The following MAGI1 variants were observed in gnomAD, a reference collection of about 807,000 sequenced individuals.
MAGI1 encodes membrane associated guanylate kinase, WW and PDZ domain containing 1.
A neutral mutation model predicts 139.9 loss-of-function variants in MAGI1; 58 were observed. That is an observed-to-expected ratio of 0.41 (90% CI 0.34 to 0.52). MAGI1 has a LOEUF of 0.52. Ranked by LOEUF, MAGI1 falls within the 20% of genes least tolerant of loss-of-function variation. MAGI1 has a pLI of 0.12. For missense variants in MAGI1, 1,874 were observed against 1,901.6 expected (o/e 0.99, Z 0.27); for synonymous variants, 812 against 737.9 (o/e 1.10, Z -1.63).
At chr3:65,962,267 C>T (rs530411606) in intron 1 of MAGI1, among the ~76,000 whole-genome samples, 15 of 151,624 alleles carry the variant, frequency 9.9e-5, no homozygotes, top group African/African-American at 2.9e-4. Context: ...TACAGGCACC[C>T]GCCACCATGC....
At chr3:65,416,361 T>C (rs566944447) in intron 12 of MAGI1, among the ~76,000 whole-genome samples, 74 of 152,292 alleles carry the variant, frequency 4.9e-4, no homozygotes, top group Middle Eastern at 3.4e-3. Context: ...TGCTATTCTA[T>C]GACACAGTGG....
At chr3:65,549,268 C>A in intron 2 of MAGI1, 1 of 370,956 alleles carries the variant, frequency 2.7e-6, no homozygotes, top group Non-Finnish European at 3.7e-6. Flanking sequence ...GCCACTTCCT[C>A]GCCTTCTCCT....
At chr3:65,594,499 A>C (rs1249871823) in intron 2 of MAGI1, among the ~76,000 whole-genome samples, 1 of 152,222 alleles carries the variant, frequency 6.6e-6, no homozygotes. Flanking sequence ...CAGCTGGCCT[A>C]CTATCAGACA....
intron 18 of MAGI1, among the ~76,000 whole-genome samples, chr3:65,367,473 G>A (rs943502369): frequency 6.6e-6 from 1 of 152,010 alleles, no homozygotes; most frequent in Non-Finnish European, 1.5e-5. Context: ...CATTTAGCAT[G>A]GAAATGTCGA....
intron 2 of MAGI1, among the ~76,000 whole-genome samples, chr3:65,598,136 G>A (rs1238448376): frequency 6.6e-6 from 1 of 152,066 alleles, no homozygotes; most frequent in Non-Finnish European, 1.5e-5. Flanking sequence ...TAAGCCGGGA[G>A]TGTGAAAAAA....
intron 2 of MAGI1, among the ~76,000 whole-genome samples, chr3:65,604,219 G>C (rs1045854779): frequency 6.6e-6 from 1 of 151,180 alleles, no homozygotes; most frequent in Non-Finnish European, 1.5e-5. Context: ...TGAGGATCAA[G>C]AAATATTGGT....
At chr3:65,455,994 C>T (rs1316892417) in intron 5 of MAGI1, among the ~76,000 whole-genome samples, 1 of 152,102 alleles carries the variant, frequency 6.6e-6, no homozygotes, top group Non-Finnish European at 1.5e-5. Flanking sequence ...CATTCATGTA[C>T]ATGTTTTTGT....
chr3:65,688,418 G>A (rs768995838), intron 1 of MAGI1: 1 of 529,002 alleles, frequency 1.9e-6, no homozygotes, highest in Non-Finnish European at 3.7e-6. Context: ...AGAGAAGACA[G>A]AAGAACCACC....
intron 1 of MAGI1, among the ~76,000 whole-genome samples, chr3:65,659,727 C>G (rs1029730721): frequency 6.6e-6 from 1 of 152,152 alleles, no homozygotes; most frequent in Non-Finnish European, 1.5e-5. Context: ...CTGCCTCATC[C>G]TTGAATTCCT....
chr3:65,969,245 T>A (rs966630883), intron 1 of MAGI1, among the ~76,000 whole-genome samples: 2 of 152,176 alleles, frequency 1.3e-5, no homozygotes, highest in African/African-American at 2.4e-5. Flanking sequence ...CACAAAACAT[T>A]GCTCTCACAG....
chr3:65,884,170 G>C lies in MAGI1; in HGVS notation c.313+153826C>G, dbSNP rs913622507. Among the ~76,000 whole-genome samples the C allele has an allele frequency of 3.9e-5, 6 of 152,178 alleles. No homozygotes were observed. In the South Asian group the frequency reaches 6.2e-4, roughly 16 times the overall value. ...GTGATGGTCAACTAATTAGATTCCTGAATTCACAATGTAACAGAAAGAAAA... is the reference window on the plus strand; with the variant it reads ...GTGATGGTCAACTAATTAGATTCCTCAATTCACAATGTAACAGAAAGAAAA... On this transcript the variant is annotated intron_variant, in intron 1 of 22. Coordinates refer to ENST00000402939, the MANE Select transcript of MAGI1 (RefSeq NM_001033057.2).
rs974824416 is a variant in MAGI1 at position 66,038,383 on chromosome 3, C to A, written c.-75G>T. The stretch of plus-strand genomic sequence containing the variant: ...CCCACAGCACGAGCCCCCAAGCCTC[C>A]GCTTGTTCATGGGAGAAACATCTCT... On this transcript the variant is annotated 5_prime_UTR_variant, in exon 1 of 23. Coordinates refer to ENST00000402939, the MANE Select transcript of MAGI1 (RefSeq NM_001033057.2). 3 of 1,494,280 alleles carry A rather than the reference C, an allele frequency of 2.0e-6. No individual in the cohort carries two copies. In the African/African-American group the frequency reaches 4.2e-5, roughly 21 times the overall value. 92.6% of individuals were successfully genotyped at this position (1,494,280 alleles called of 1,614,324 possible).
intron 1 of MAGI1, among the ~76,000 whole-genome samples, chr3:65,835,982 T>C (rs577473208): frequency 3.9e-5 from 6 of 152,290 alleles, no homozygotes; most frequent in Middle Eastern, 3.4e-3. Flanking sequence ...TCCACATCAC[T>C]GCAGGCAAGC....
At chr3:65,953,171 G>C (rs1453780311) in intron 1 of MAGI1, among the ~76,000 whole-genome samples, 1 of 152,172 alleles carries the variant, frequency 6.6e-6, no homozygotes, top group African/African-American at 2.4e-5. Context: ...CATTGCAAGT[G>C]AGCAAAGGTT....
At chr3:65,422,380 A>C (rs1946691468) in intron 12 of MAGI1, among the ~76,000 whole-genome samples, 2 of 152,164 alleles carry the variant, frequency 1.3e-5, no homozygotes, top group Non-Finnish European at 2.9e-5. Flanking sequence ...CAGCCTGTGA[A>C]CAGAGCACAC....
intron 1 of MAGI1, among the ~76,000 whole-genome samples, chr3:65,966,291 G>A (rs1303002071): frequency 2.6e-5 from 4 of 151,986 alleles, no homozygotes; most frequent in Non-Finnish European, 5.9e-5. Flanking sequence ...CTAATGGAAG[G>A]GACAGTATTT....
chr3:66,007,118 G>A (rs1190187874), intron 1 of MAGI1, among the ~76,000 whole-genome samples: 1 of 152,020 alleles, frequency 6.6e-6, no homozygotes, highest in Non-Finnish European at 1.5e-5. Context: ...TGAGATTACA[G>A]GTGTGAGCCA....
At chr3:65,744,779 T>C (rs908523879) in intron 1 of MAGI1, among the ~76,000 whole-genome samples, 7 of 152,118 alleles carry the variant, frequency 4.6e-5, no homozygotes, top group Admixed American at 3.9e-4. Flanking sequence ...ACAACTTTGT[T>C]TTCCCTTTTT....
intron 2 of MAGI1, among the ~76,000 whole-genome samples, chr3:65,591,123 G>A (rs970249592): frequency 1.3e-5 from 2 of 151,934 alleles, no homozygotes; most frequent in Admixed American, 6.6e-5. Context: ...CTAAATCATG[G>A]TACAGCAAAA....
Sources: gnomAD v4.1 joint callset for allele counts (sites outside exome capture counted in the v4.1 genomes callset) on GRCh38, gnomAD v4.1.1 for gene constraint, MANE v1.5 for transcripts, NCBI Gene and HGNC (gene_info 2026-07-23, HGNC 2026-07-21) for gene names.